Variants in THRB observed in about 807,000 individuals in gnomAD.
The protein encoded by THRB is nuclear receptor subfamily 1 group A member 2.
In THRB, 12 loss-of-function variants were observed where a neutral mutation model predicts 47.8. The ratio of observed to expected loss-of-function variants is 0.25; its 90% CI spans 0.16 to 0.41. The LOEUF (loss-of-function observed/expected upper bound fraction) is 0.41. THRB is among the 10% of genes least tolerant of loss of function. The probability of loss-of-function intolerance (pLI) is 1.00; values close to 1 mark genes in which losing one functional copy is unlikely to be tolerated. For synonymous variants in THRB, 218 were observed against 212.2 expected (o/e 1.03, Z -0.24); for missense variants, 348 against 589.2 (o/e 0.59, Z 4.24).
At chr3:24,353,229 A>T (rs2063467056) in intron 1 of THRB, among the ~76,000 whole-genome samples, 1 of 152,132 alleles carries the variant, frequency 6.6e-6, no homozygotes, top group Admixed American at 6.6e-5. Flanking sequence ...GGATGTGTAG[A>T]ATAGTTTAAA....
At chr3:24,357,157 GT>G (rs1002998913) in intron 1 of THRB, among the ~76,000 whole-genome samples, 7 of 147,910 alleles carry the variant, frequency 4.7e-5, no homozygotes, top group South Asian at 4.3e-4. Context: ...TTGGTTTTAT[GT>G]TTTTTTTTGT....
intron 8 of THRB, among the ~76,000 whole-genome samples, chr3:24,138,579 G>C (rs1212464557): frequency 6.6e-6 from 1 of 152,184 alleles, no homozygotes; most frequent in Non-Finnish European, 1.5e-5. Flanking sequence ...ACAAAGGCAA[G>C]CATGGAACCT....
chr3:24,306,162 G>A (rs930910387), intron 2 of THRB, among the ~76,000 whole-genome samples: 4 of 152,114 alleles, frequency 2.6e-5, no homozygotes, highest in African/African-American at 9.7e-5. Context: ...AAGATTAAGG[G>A]CCCGGGGTTT....
chr3:24,253,571 C>G (rs541578375), intron 3 of THRB, among the ~76,000 whole-genome samples: 2 of 152,298 alleles, frequency 1.3e-5, no homozygotes, highest in African/African-American at 4.8e-5. Flanking sequence ...GCTGGCCTAA[C>G]TGTCTCTTTC....
At chr3:24,285,949 C>T (rs553725036) in intron 3 of THRB, among the ~76,000 whole-genome samples, 11 of 152,170 alleles carry the variant, frequency 7.2e-5, no homozygotes, top group East Asian at 3.9e-4. Context: ...GGCCTCTGGG[C>T]GGTAGTTGGG....
chr3:24,157,682 C>A (rs948555366), intron 5 of THRB, among the ~76,000 whole-genome samples: 2 of 152,008 alleles, frequency 1.3e-5, no homozygotes, highest in African/African-American at 4.8e-5. Context: ...GGTGCATGGT[C>A]ACCACACCTG....
chr3:24,482,537 C>CT (rs1491181279), intron 1 of THRB, among the ~76,000 whole-genome samples: 184 of 144,426 alleles, frequency 1.3e-3, no homozygotes, highest in African/African-American at 4.7e-3. Context: ...CTTTCTGTCT[C>CT]CCTCTCTCTC....
chr3:24,255,488 T>G (rs1266756586), intron 3 of THRB, among the ~76,000 whole-genome samples: 1 of 152,212 alleles, frequency 6.6e-6, no homozygotes, highest in African/African-American at 2.4e-5. Context: ...TAAAGCTATG[T>G]GTCATTTTCC....
intron 1 of THRB, among the ~76,000 whole-genome samples, chr3:24,417,264 G>C (rs1205699139): frequency 4.0e-5 from 6 of 151,896 alleles, no homozygotes; most frequent in Non-Finnish European, 8.8e-5. Flanking sequence ...AAGTAGGCTT[G>C]AGAGAACACG....
chr3:24,205,709 T>C (rs561729952), intron 4 of THRB, among the ~76,000 whole-genome samples: 34 of 152,142 alleles, frequency 2.2e-4, no homozygotes, highest in African/African-American at 7.2e-4. Context: ...GACTGGCAAA[T>C]TGGATAAAGA....
intron 1 of THRB, among the ~76,000 whole-genome samples, chr3:24,349,917 G>T (rs2063262378): frequency 6.6e-6 from 1 of 151,968 alleles, no homozygotes; most frequent in Non-Finnish European, 1.5e-5. Context: ...AGGAACTTCT[G>T]TTCACCAAAA....
chr3:24,271,899 T>C (rs908712098), intron 3 of THRB, among the ~76,000 whole-genome samples: 1 of 152,192 alleles, frequency 6.6e-6, no homozygotes, highest in Non-Finnish European at 1.5e-5. Context: ...GTAAATGATG[T>C]AGAGAAAAGG....
At chr3:24,320,975 A>T (rs1470936805) in intron 2 of THRB, among the ~76,000 whole-genome samples, 1 of 152,244 alleles carries the variant, frequency 6.6e-6, no homozygotes. Flanking sequence ...AGCAGAGCTC[A>T]TCTAAGCCAC....
At chr3:24,187,114 C>T (rs2042692965) in intron 5 of THRB, among the ~76,000 whole-genome samples, 1 of 152,120 alleles carries the variant, frequency 6.6e-6, no homozygotes, top group Non-Finnish European at 1.5e-5. Flanking sequence ...GGTTCTACTG[C>T]ACAGGACTTT....
intron 3 of THRB, among the ~76,000 whole-genome samples, chr3:24,258,351 CTT>C: frequency 6.6e-6 from 1 of 152,154 alleles, no homozygotes; most frequent in Non-Finnish European, 1.5e-5. Flanking sequence ...CCAAAATAAA[CTT>C]AGGAGAGCCA....
chr3:24,355,461 C>G (rs1234345593), intron 1 of THRB, among the ~76,000 whole-genome samples: 5 of 152,078 alleles, frequency 3.3e-5, no homozygotes, highest in Non-Finnish European at 1.5e-5. Flanking sequence ...AAAATTTGAA[C>G]AGAGGATGTC....
chr3:24,262,584 G>GGACTTTT (rs2052181453), intron 3 of THRB, among the ~76,000 whole-genome samples: 1 of 152,098 alleles, frequency 6.6e-6, no homozygotes, highest in African/African-American at 2.4e-5. Flanking sequence ...TCTCACCTCA[G>GGACTTTT]GACTTTTGAA....
intron 4 of THRB, among the ~76,000 whole-genome samples, chr3:24,193,964 G>C (rs2043658982): frequency 6.6e-6 from 1 of 152,180 alleles, no homozygotes; most frequent in Admixed American, 6.6e-5. Context: ...ATGAAATAAT[G>C]ACATTCATAG....
At chr3:24,164,902 T>G in intron 5 of THRB, 2,643 of 533,374 alleles carry the variant, frequency 5.0e-3, no homozygotes, top group East Asian at 6.6e-3. Flanking sequence ...TTACTGCCGT[T>G]TTTAATTTCA....
Sources: gnomAD v4.1 joint callset for allele counts (sites outside exome capture counted in the v4.1 genomes callset) on GRCh38, gnomAD v4.1.1 for gene constraint, MANE v1.5 for transcripts, NCBI Gene and HGNC (gene_info 2026-07-23, HGNC 2026-07-21) for gene names.